CARMIL1: variants seen among roughly 807,000 people sequenced by gnomAD.
CARMIL1 encodes capping protein regulator and myosin 1 linker 1, also known as F-actin-uncapping protein LRRC16A.
A neutral mutation model predicts 177.1 loss-of-function variants in CARMIL1; 90 were observed. That is an observed-to-expected ratio of 0.51 (90% CI 0.43 to 0.61). CARMIL1 has a LOEUF of 0.61. CARMIL1 is among the 20% of genes least tolerant of loss of function. CARMIL1 has a pLI of 0.00. For missense variants in CARMIL1, 1,380 were observed against 1,667.0 expected, an observed-to-expected ratio of 0.83 and a Z score of 3.00; for synonymous variants, 577 against 606.2, an observed-to-expected ratio of 0.95 and a Z score of 0.71.
At chr6:25,464,428 CCT>C (rs1235482389) in intron 8 of CARMIL1, among the ~76,000 whole-genome samples, 2 of 152,106 alleles carry the variant, frequency 1.3e-5, no homozygotes, top group Non-Finnish European at 2.9e-5. Context: ...AACAGTGACT[CCT>C]GGGGTTGTTT....
In CARMIL1 at chr6:25,577,824, T is replaced by C. The variant is rs772377246; in HGVS notation, c.2743-3100T>C. ...TAATGTAGGCATTGATGCTTTTGGA[T>C]TCTCAGAAAATAGAGTTGTGGCCTT... On this transcript the variant is annotated intron_variant, in intron 29 of 36. Transcript: ENST00000329474. This position sits in a 1 kb window ranked among gnomAD's most constrained non-coding sequence, Gnocchi z 4.5. Among the ~76,000 whole-genome samples, 1 of 152,166 alleles carries C rather than the reference T, an allele frequency of 6.6e-6. No homozygotes were observed. The highest frequency in any genetic ancestry group is 1.5e-5 in the Non-Finnish European group (1 of 68,018).
chr6:25,430,002 C>T (rs1796608089), intron 4 of CARMIL1, among the ~76,000 whole-genome samples: 1 of 151,860 alleles, frequency 6.6e-6, no homozygotes, highest in African/African-American at 2.4e-5. Context: ...CGCGTCATGA[C>T]ATCCAGCTAA....
At chr6:25,498,717 A>G (rs1274518162) in intron 16 of CARMIL1, among the ~76,000 whole-genome samples, 2 of 152,154 alleles carry the variant, frequency 1.3e-5, no homozygotes, top group African/African-American at 4.8e-5. Flanking sequence ...ACGAAAAGTG[A>G]TGTTCTTAAG....
intron 36 of CARMIL1, among the ~76,000 whole-genome samples, chr6:25,610,409 A>G (rs1160378601): frequency 6.6e-6 from 1 of 152,204 alleles, no homozygotes; most frequent in Non-Finnish European, 1.5e-5. Flanking sequence ...GCTGAGACAC[A>G]AAGGTCTAAC....
intron 24 of CARMIL1, among the ~76,000 whole-genome samples, chr6:25,529,638 A>C (rs1807519452): frequency 6.6e-6 from 1 of 151,574 alleles, no homozygotes; most frequent in African/African-American, 2.4e-5. Context: ...ATACATCCAT[A>C]AAATAAGAAT....
intron 26 of CARMIL1, among the ~76,000 whole-genome samples, chr6:25,542,154 C>T (rs938594411): frequency 6.6e-6 from 1 of 152,138 alleles, no homozygotes; most frequent in Admixed American, 6.5e-5. Flanking sequence ...GTAATAGGAC[C>T]TTTCCTATCA....
At chr6:25,397,654 A>G (rs562419498) in intron 2 of CARMIL1, among the ~76,000 whole-genome samples, 64 of 152,332 alleles carry the variant, frequency 4.2e-4, no homozygotes, top group African/African-American at 1.2e-3. Context: ...AGTGAATAGC[A>G]TGGTATTCAC....
intron 2 of CARMIL1, among the ~76,000 whole-genome samples, chr6:25,319,764 CTTTTTTTTTTTT>C (rs10625095): frequency 8.4e-6 from 1 of 118,718 alleles, no homozygotes; most frequent in Non-Finnish European, 1.7e-5. Context: ...CATTTGGTCA[CTTTTTTTTTTTT>C]TTTTTTTTTT....
chr6:25,420,150 C>A lies in CARMIL1; in HGVS notation c.175C>A (p.Arg59=), dbSNP rs79463028. ...ATGCCGAGCCTTCCTTGTAACAGCG[C>A]GAATCCCCACCAAGGTAAGTGTTGA... The part of the protein sequence containing the change: ...TSCRAFLVTA[R]IPTKLELTFS... Residue 59 remains arginine, a synonymous_variant, in exon 3 of 37, where the codon CGA becomes AGA. Transcript: ENST00000329474. 1,020 of 1,613,478 alleles carry A rather than the reference C, an allele frequency of 6.3e-4. 14 individuals carry two copies. The South Asian group carries it at 0.01, about 16-fold the overall frequency.
chr6:25,611,910 C>T (rs1816534717), intron 36 of CARMIL1, among the ~76,000 whole-genome samples: 1 of 152,146 alleles, frequency 6.6e-6, no homozygotes, highest in Admixed American at 6.5e-5. Context: ...ATGTTCTTTC[C>T]CCTGGAAGTT....
At position 25,556,711 on chromosome 6, in the gene CARMIL1, T is replaced by G; in HGVS notation, c.2603T>G (p.Phe868Cys). Residue 868 changes from phenylalanine (F) to cysteine (C), a missense_variant, in exon 29 of 37, where the codon TTC (phenylalanine) becomes TGC (cysteine). Phe to Cys is a radical substitution (Grantham distance 205, BLOSUM62 -2). Transcript: ENST00000329474. The part of the protein sequence containing the change: ...SHCHHKLADH[F>C]SRRGKTLPQQ... The stretch of plus-strand genomic sequence containing the variant: ...GTCTTGACCTTCTAGGCTGACCATT[T>G]CAGCAGACGTGGCAAGACCCTTCCT... 1.2e-6 allele frequency: 2 copies of G among 1,612,988 alleles called. No homozygotes were observed. Among genetic ancestry groups the G allele is most frequent in the Non-Finnish European group, 8.5e-7 (1 of 1,179,446 alleles).
intron 2 of CARMIL1, among the ~76,000 whole-genome samples, chr6:25,406,030 G>A (rs1189393749): frequency 6.6e-6 from 1 of 152,168 alleles, no homozygotes; most frequent in African/African-American, 2.4e-5. Context: ...AATGTACTGG[G>A]CACTGAGAAA....
intron 29 of CARMIL1, among the ~76,000 whole-genome samples, chr6:25,561,792 C>G (rs1044490010): frequency 6.6e-6 from 1 of 152,106 alleles, no homozygotes; most frequent in Non-Finnish European, 1.5e-5. Flanking sequence ...CTAATATTAA[C>G]TATGTGAAGA....
chr6:25,452,666 G>T (rs1799097348), intron 8 of CARMIL1: 1 of 152,984 alleles, frequency 6.5e-6, no homozygotes, highest in Admixed American at 6.5e-5. Flanking sequence ...AAGAAGAGTG[G>T]CATTGGCTTA....
chr6:25,455,817 T>A (rs539660010), intron 8 of CARMIL1, among the ~76,000 whole-genome samples: 2 of 152,330 alleles, frequency 1.3e-5, no homozygotes, highest in South Asian at 4.1e-4. Flanking sequence ...CTGATGTTAA[T>A]GTCACAGGTC....
At chr6:25,491,921 A>G in intron 14 of CARMIL1, 27 bp from the exon 15 acceptor site, 1 of 1,606,202 alleles carries the variant, frequency 6.2e-7, no homozygotes, top group Non-Finnish European at 8.5e-7. Context: ...AATACTTGAA[A>G]AGAAGAGTGC....
intron 24 of CARMIL1, among the ~76,000 whole-genome samples, chr6:25,531,205 AT>A (rs1182885870): frequency 6.6e-6 from 1 of 152,144 alleles, no homozygotes; most frequent in East Asian, 1.9e-4. Context: ...TTTCAAAAGA[AT>A]TTTTCTCTGC....
At chr6:25,538,036 AAAATTT>A (rs1808482415) in intron 25 of CARMIL1, 53 bp downstream of exon 25, 23 of 1,511,150 alleles carry the variant, frequency 1.5e-5, no homozygotes, top group Non-Finnish European at 1.8e-5. Flanking sequence ...AACGTTTCAT[AAAATTT>A]AGTTTTAGAA....
intron 26 of CARMIL1, among the ~76,000 whole-genome samples, chr6:25,546,673 A>AC (rs1183336419): frequency 1.4e-3 from 214 of 147,894 alleles, no homozygotes; most frequent in Middle Eastern, 3.5e-3. Flanking sequence ...CAACAACAAA[A>AC]AAAAAAAAAA....
Sources: allele counts gnomAD v4.1 joint callset (sites outside exome capture counted in the v4.1 genomes callset), GRCh38; gene constraint gnomAD v4.1.1; non-coding constraint Gnocchi (gnomAD v3.1); transcripts MANE v1.5; gene names NCBI Gene and HGNC (gene_info 2026-07-23, HGNC 2026-07-21).